Variants in HLA-DQB2 observed in about 807,000 individuals in gnomAD.
HLA-DQB2 encodes HLA class II histocompatibility antigen, DQ beta 2 chain.
HLA-DQB2 carries 24 observed loss-of-function variants against 29.2 expected under a neutral mutation model. That is an observed-to-expected ratio of 0.82 (90% CI 0.60 to 1.16). The LOEUF is 1.16. HLA-DQB2 is among the 50% of genes most tolerant of loss of function. The probability of loss-of-function intolerance (pLI) is 0.00; values close to 1 mark genes in which losing one functional copy is unlikely to be tolerated. For missense variants in HLA-DQB2, 273 were observed against 343.6 expected (o/e 0.79, Z 1.62); for synonymous variants, 104 against 133.1 (o/e 0.78, Z 1.51).
intron 2 of HLA-DQB2, 40 bp downstream of exon 2, chr6:32,761,620 C>T: frequency 6.6e-7 from 1 of 1,516,464 alleles, no homozygotes; most frequent in Non-Finnish European, 8.8e-7. Flanking sequence ...ACTCGGGCCC[C>T]GGCCAAGGGT....
chr6:32,759,936 G>A (rs889930643), intron 2 of HLA-DQB2, among the ~76,000 whole-genome samples: 1 of 152,152 alleles, frequency 6.6e-6, no homozygotes, highest in African/African-American at 2.4e-5. Context: ...CTTGGTTTCT[G>A]CTTGGACTTG....
chr6:32,757,974 C>G, intron 3 of HLA-DQB2, 91 bp from the exon 4 acceptor site: 3 of 1,105,884 alleles, frequency 2.7e-6, no homozygotes, highest in Non-Finnish European at 3.8e-6. Flanking sequence ...CACTAGTTCT[C>G]CAGTCTGACC....
At chr6:32,757,036 T>TTC in intron 5 of HLA-DQB2, 2 of 1,382,502 alleles carry the variant, frequency 1.4e-6, no homozygotes, top group East Asian at 2.7e-5. Context: ...TTTTTTTTTT[T>TTC]TGAGACAGAC....
intron 1 of HLA-DQB2, among the ~76,000 whole-genome samples, chr6:32,763,104 G>A (rs1159059412): frequency 6.6e-6 from 1 of 152,138 alleles, no homozygotes; most frequent in East Asian, 1.9e-4. Context: ...TGGTCATTTT[G>A]TCCTGTCACA....
chr6:32,756,381 A>T lies in HLA-DQB2; in HGVS notation c.*72T>A. 1 of 936,272 alleles carries T rather than the reference A, an allele frequency of 1.1e-6. No individual in the cohort carries two copies. Among genetic ancestry groups the T allele is most frequent in the Non-Finnish European group, 1.7e-6 (1 of 578,308 alleles). 58.0% of individuals were successfully genotyped at this position (936,272 alleles called of 1,614,324 possible). On this transcript the variant is annotated 3_prime_UTR_variant, in exon 6 of 6. Coordinates refer to ENST00000437316, the MANE Select transcript of HLA-DQB2 (RefSeq NM_001300790.2). Reference sequence around the variant, plus strand: ...GTGGGACAGGGTGACACAGGCAGCTAGGAATTCTGGGCAGGGGCAGGTGGG... The same window carrying T: ...GTGGGACAGGGTGACACAGGCAGCTTGGAATTCTGGGCAGGGGCAGGTGGG...
At chr6:32,761,577 G>T in intron 2 of HLA-DQB2, 83 bp downstream of exon 2, 1 of 1,426,838 alleles carries the variant, frequency 7.0e-7, no homozygotes, top group Non-Finnish European at 9.3e-7. Flanking sequence ...GGTCCTTGAG[G>T]CCGCGCCGTC....
At chr6:32,761,628 G>T in intron 2 of HLA-DQB2, 32 bp downstream of exon 2, 1 of 1,528,576 alleles carries the variant, frequency 6.5e-7, no homozygotes. Context: ...CCCGGCCAAG[G>T]GTGAGCCCCG....
intron 2 of HLA-DQB2, among the ~76,000 whole-genome samples, chr6:32,760,466 A>C (rs1345063892): frequency 1.3e-5 from 2 of 152,222 alleles, no homozygotes; most frequent in African/African-American, 4.8e-5. Context: ...ACGATATATA[A>C]AGTGGCAATG....
intron 1 of HLA-DQB2, 21 bp downstream of exon 1, chr6:32,763,353 G>A: frequency 6.8e-7 from 1 of 1,471,714 alleles, no homozygotes; most frequent in Non-Finnish European, 9.3e-7. Flanking sequence ...TGGCTCTCGA[G>A]AGCAGCTGCC....
Position 32,756,338 on chromosome 6 carries a change from T to G in HLA-DQB2, c.*115A>C. ...GGTGACCTGTGGCTGCATGAGCCAC[T>G]GTAGGACTCTGACCTCAGTGGGACA... On this transcript the variant is annotated 3_prime_UTR_variant, in exon 6 of 6. Transcript: ENST00000437316. 1 of 730,354 alleles carries G rather than the reference T, an allele frequency of 1.4e-6. No homozygotes were observed. Among genetic ancestry groups the G allele is most frequent in the Non-Finnish European group, 2.5e-6 (1 of 403,360 alleles). The allele number at this position is 730,354 out of a possible 1,614,324, so 45.2% of individuals were successfully genotyped here.
At chr6:32,760,063 T>C (rs1011004707) in intron 2 of HLA-DQB2, among the ~76,000 whole-genome samples, 3 of 150,872 alleles carry the variant, frequency 2.0e-5, no homozygotes, top group Non-Finnish European at 3.0e-5. Flanking sequence ...GGGCACAAAT[T>C]CATGAGAAAA....
In HLA-DQB2 at chr6:32,763,504, A is replaced by G; in HGVS notation, c.-34T>C. Reference sequence around the variant, plus strand: ...ACGTAAGTGAGACCAAGGAAAAAGCAGTGGTAGTCAACACAGCTCAAACCT... The same window carrying G: ...ACGTAAGTGAGACCAAGGAAAAAGCGGTGGTAGTCAACACAGCTCAAACCT... On this transcript the variant is annotated 5_prime_UTR_variant, in exon 1 of 6. Coordinates refer to ENST00000437316, the MANE Select transcript of HLA-DQB2 (RefSeq NM_001300790.2). The G allele has an allele frequency of 7.2e-7, 1 of 1,385,954 alleles. No individual in the cohort carries two copies. Among genetic ancestry groups the G allele is most frequent in the Non-Finnish European group, 1.0e-6 (1 of 995,660 alleles). The allele number at this position is 1,385,954 out of a possible 1,614,324, so 85.9% of individuals were successfully genotyped here.
Position 32,763,508 on chromosome 6 carries a change from G to A in HLA-DQB2, c.-38C>T. The A allele has an allele frequency of 7.4e-7, 1 of 1,347,666 alleles. No individual in the cohort carries two copies. Among genetic ancestry groups the A allele is most frequent in the Non-Finnish European group, 1.0e-6 (1 of 960,610 alleles). The allele number at this position is 1,347,666 out of a possible 1,614,324, so 83.5% of individuals were successfully genotyped here. ...AAGTGAGACCAAGGAAAAAGCAGTG[G>A]TAGTCAACACAGCTCAAACCTAATG... On this transcript the variant is annotated 5_prime_UTR_variant, in exon 1 of 6. Coordinates refer to ENST00000437316, the MANE Select transcript of HLA-DQB2 (RefSeq NM_001300790.2).
rs7756516 is a variant in HLA-DQB2, at chr6:32,756,140, C to T, written c.*313G>A. ...TAATTATGGGAAAAAGCACTAAAGT[C>T]AGGTAAATGATTTTGTTTGTCATGC... On this transcript the variant is annotated 3_prime_UTR_variant, in exon 6 of 6. Coordinates refer to ENST00000437316, the MANE Select transcript of HLA-DQB2 (RefSeq NM_001300790.2). The T allele has an allele frequency of 0.51, 216,661 of 421,676 alleles. 58,260 individuals carry two copies. The highest frequency in any genetic ancestry group is 0.74 in the East Asian group (20,538 of 27,776). 26.1% of individuals were successfully genotyped at this position (421,676 alleles called of 1,614,324 possible).
chr6:32,760,164 G>A (rs976700402), intron 2 of HLA-DQB2, among the ~76,000 whole-genome samples: 1 of 114,632 alleles, frequency 8.7e-6, no homozygotes, highest in Non-Finnish European at 2.0e-5. Context: ...AAGAAGGCAA[G>A]GAAGTTTTGT....
intron 4 of HLA-DQB2, 101 bp downstream of exon 4, chr6:32,757,672 T>G: frequency 1.9e-6 from 2 of 1,038,772 alleles, no homozygotes; most frequent in Non-Finnish European, 2.8e-6. Flanking sequence ...GCACTTCCTC[T>G]CAGGGTAAGG....
At chr6:32,760,388 G>A (rs892688739) in intron 2 of HLA-DQB2, among the ~76,000 whole-genome samples, 1 of 152,152 alleles carries the variant, frequency 6.6e-6, no homozygotes, top group African/African-American at 2.4e-5. Context: ...GTGTATTTGG[G>A]GGAGGCTTCA....
At chr6:32,763,342 G>T (rs73404804) in intron 1 of HLA-DQB2, 32 bp downstream of exon 1, 1 of 1,315,506 alleles carries the variant, frequency 7.6e-7, no homozygotes, top group South Asian at 1.3e-5. Context: ...TCCCACAGTG[G>T]TGGCTCTCGA....
chr6:32,756,444 C>A lies in HLA-DQB2; in HGVS notation c.*9G>T, dbSNP rs1457298830. On this transcript the variant is annotated 3_prime_UTR_variant, in exon 6 of 6. Transcript: ENST00000437316. ...GTGATGACCAATCCCAGACAAAAGT[C>A]CTCAGGAGTCAGTGCAGGAGTCCTG... 6.6e-7 allele frequency: 1 copy of A among 1,512,454 alleles called. No homozygotes were observed. 93.7% of individuals were successfully genotyped at this position (1,512,454 alleles called of 1,614,324 possible). A position where few individuals can be genotyped will look rare whatever the true frequency, so the allele number is the denominator to read the frequency against.
Sources: gnomAD v4.1 joint callset for allele counts (sites outside exome capture counted in the v4.1 genomes callset) on GRCh38, gnomAD v4.1.1 for gene constraint, MANE v1.5 for transcripts, NCBI Gene and HGNC (gene_info 2026-07-23, HGNC 2026-07-21) for gene names.